Variants in RBFOX1 observed in about 807,000 individuals in gnomAD.
RBFOX1 encodes the protein RNA binding fox-1 homolog 1.
RBFOX1 carries 8 observed loss-of-function variants against 57.7 expected under a neutral mutation model. The ratio of observed to expected loss-of-function variants is 0.14; its 90% CI spans 0.08 to 0.25. The LOEUF (loss-of-function observed/expected upper bound fraction) is 0.25, where lower values mean the gene tolerates loss of function less well. Ranked by LOEUF, RBFOX1 falls within the 10% of genes least tolerant of loss-of-function variation. The pLI is 1.00. For missense variants in RBFOX1, 611 were observed against 548.5 expected (o/e 1.11, Z -1.14); for synonymous variants, 326 against 222.4 (o/e 1.47, Z -4.15).
rs140853799 is a variant in RBFOX1, at chr16:6,628,376, T to C, written c.-63-26227T>C. On this transcript the variant is annotated intron_variant, in intron 2 of 15. Transcript: ENST00000550418. ...CAGGATGTGATTTTATGTTTTGTGG[T>C]ACATGGACATGCATTTTGTTGTAAT... 2.0e-5 allele frequency among the ~76,000 whole-genome samples: 3 copies of C among 152,344 alleles called. No individual in the cohort carries two copies. The East Asian group carries it at 5.8e-4, about 29-fold the overall frequency.
chr16:7,689,798 C>T (rs1417559922), intron 14 of RBFOX1, among the ~76,000 whole-genome samples: 1 of 152,034 alleles, frequency 6.6e-6, no homozygotes, highest in Non-Finnish European at 1.5e-5. Flanking sequence ...TAAGGAAGAA[C>T]TCAAATACCA....
At chr16:7,269,189 T>A (rs1470615477) in intron 4 of RBFOX1, among the ~76,000 whole-genome samples, 2 of 151,582 alleles carry the variant, frequency 1.3e-5, no homozygotes, top group Non-Finnish European at 2.9e-5. Flanking sequence ...TTCCAGAATA[T>A]ACAGCACGTT....
intron 1 of RBFOX1, among the ~76,000 whole-genome samples, chr16:6,310,435 T>C (rs939049292): frequency 6.6e-6 from 1 of 152,200 alleles, no homozygotes; most frequent in Non-Finnish European, 1.5e-5. Context: ...GGATTGTTGT[T>C]GAAGAAGTAG....
At chr16:6,102,055 A>G (rs1408578118) in intron 1 of RBFOX1, among the ~76,000 whole-genome samples, 5 of 151,648 alleles carry the variant, frequency 3.3e-5, no homozygotes, top group African/African-American at 4.8e-5. Flanking sequence ...CATTGGCTGC[A>G]TTTTGTTTCC....
chr16:6,254,841 C>G (rs918749474), intron 1 of RBFOX1, among the ~76,000 whole-genome samples: 5 of 152,056 alleles, frequency 3.3e-5, no homozygotes, highest in Non-Finnish European at 1.5e-5. Context: ...GTCCTCTTTC[C>G]TGCCCTGTTC....
At chr16:6,543,635 A>C (rs2096854926) in intron 2 of RBFOX1, among the ~76,000 whole-genome samples, 1 of 152,098 alleles carries the variant, frequency 6.6e-6, no homozygotes, top group Non-Finnish European at 1.5e-5. Context: ...CCCGGTCTGG[A>C]AGATTTTTGC....
intron 1 of RBFOX1, among the ~76,000 whole-genome samples, chr16:5,348,078 C>G (rs1330484386): frequency 6.8e-6 from 1 of 148,060 alleles, no homozygotes; most frequent in African/African-American, 2.5e-5. Context: ...CTCTGTACCA[C>G]TCACTCACCC....
At chr16:7,321,065 G>A (rs67176054) in intron 4 of RBFOX1, among the ~76,000 whole-genome samples, 6,668 of 70,484 alleles carry the variant, frequency 0.095, 487 homozygotes, top group African/African-American at 0.29. Flanking sequence ...CTATCTATCT[G>A]TCTATCTATA....
At chr16:5,545,798 T>A (rs945184033) in intron 2 of RBFOX1, among the ~76,000 whole-genome samples, 1 of 152,222 alleles carries the variant, frequency 6.6e-6, no homozygotes, top group African/African-American at 2.4e-5. Context: ...TCTGCTCTTA[T>A]CACTTTTTTC....
intron 4 of RBFOX1, among the ~76,000 whole-genome samples, chr16:5,879,201 C>T (rs2057697621): frequency 6.6e-6 from 1 of 152,216 alleles, no homozygotes. Flanking sequence ...TGGGGACTGA[C>T]TGCAAATGCA....
At chr16:5,466,592 A>G (rs768051082) in intron 1 of RBFOX1, among the ~76,000 whole-genome samples, 1 of 152,198 alleles carries the variant, frequency 6.6e-6, no homozygotes, top group Non-Finnish European at 1.5e-5. Flanking sequence ...AAGAAATGCT[A>G]TCTTCCTGTG....
At chr16:6,976,790 TATATG>T (rs200971636) in intron 3 of RBFOX1, among the ~76,000 whole-genome samples, 15,490 of 145,340 alleles carry the variant, frequency 0.11, 1,029 homozygotes, top group East Asian at 0.26. Flanking sequence ...ATATATTATA[TATATG>T]ATATATGAGA....
intron 4 of RBFOX1, among the ~76,000 whole-genome samples, chr16:7,513,126 C>T (rs566575988): frequency 6.6e-6 from 1 of 152,064 alleles, no homozygotes; most frequent in Non-Finnish European, 1.5e-5. Context: ...AGCCAGTCAT[C>T]ATGGCGGGTG....
chr16:7,063,167 G>C (rs1189037857), intron 4 of RBFOX1, among the ~76,000 whole-genome samples: 1 of 152,006 alleles, frequency 6.6e-6, no homozygotes, highest in Non-Finnish European at 1.5e-5. Flanking sequence ...CGCAGGGCTA[G>C]ATGCTTACCT....
At chr16:6,410,863 C>A (rs1176960668) in intron 2 of RBFOX1, among the ~76,000 whole-genome samples, 1 of 152,138 alleles carries the variant, frequency 6.6e-6, no homozygotes, top group African/African-American at 2.4e-5. Context: ...AGTCACTTAG[C>A]CCCTCTGAGC....
rs144915241 is a variant in RBFOX1 at position 6,721,429 on chromosome 16, C to T, written c.-16+66779C>T. 3.7e-3 allele frequency among the ~76,000 whole-genome samples: 562 copies of T among 152,252 alleles called. 4 individuals are homozygous for T. The highest frequency in any genetic ancestry group is 0.012 in the African/African-American group (502 of 41,526). On this transcript the variant is annotated intron_variant, in intron 3 of 15. Coordinates refer to ENST00000550418, the MANE Select transcript of RBFOX1 (RefSeq NM_018723.4). ...CTGCACTCCAGCCTGGGGGACAGAG[C>T]GAGACTCTGTCTCAAAAACAACAAC...
At chr16:5,373,159 A>G (rs552305686) in intron 1 of RBFOX1, among the ~76,000 whole-genome samples, 1 of 152,318 alleles carries the variant, frequency 6.6e-6, no homozygotes, top group Non-Finnish European at 1.5e-5. Context: ...ACCATGGCCC[A>G]TTGAGACACA....
chr16:6,580,322 C>T (rs141611623), intron 2 of RBFOX1, among the ~76,000 whole-genome samples: 3 of 152,282 alleles, frequency 2.0e-5, no homozygotes, highest in Admixed American at 2.0e-4. Flanking sequence ...TTATTCACCT[C>T]AGTTTGCTGA....
intron 1 of RBFOX1, among the ~76,000 whole-genome samples, chr16:5,420,881 C>CT (rs2067300467): frequency 6.1e-5 from 1 of 16,400 alleles, no homozygotes. Flanking sequence ...CTCCCTCCCT[C>CT]CCCCTCCTCC....
Sources: gnomAD v4.1 joint callset for allele counts (sites outside exome capture counted in the v4.1 genomes callset) on GRCh38, gnomAD v4.1.1 for gene constraint, MANE v1.5 for transcripts, NCBI Gene and HGNC (gene_info 2026-07-23, HGNC 2026-07-21) for gene names.